Variants in RDX observed in about 807,000 individuals in gnomAD.
RDX encodes radixin.
In RDX, 32 loss-of-function variants were observed where a neutral mutation model predicts 83.7. That is an observed-to-expected ratio of 0.38 (90% CI 0.29 to 0.51). RDX has a LOEUF of 0.51. RDX is among the 20% of genes least tolerant of loss of function. The pLI is 0.87. For synonymous variants in RDX, 229 were observed against 222.7 expected, an observed-to-expected ratio of 1.03 and a Z score of -0.25; for missense variants, 600 against 689.9, an observed-to-expected ratio of 0.87 and a Z score of 1.46.
chr11:110,289,566 T>TA (rs1206346191), intron 1 of RDX, among the ~76,000 whole-genome samples: 1 of 152,152 alleles, frequency 6.6e-6, no homozygotes, highest in East Asian at 1.9e-4. Context: ...CAAAGGGATC[T>TA]AAAGTCAATT....
chr11:110,264,411 C>T (rs1435195686), intron 4 of RDX, among the ~76,000 whole-genome samples, 177 bp from the exon 5 acceptor site: 1 of 152,132 alleles, frequency 6.6e-6, no homozygotes, highest in African/African-American at 2.4e-5. Flanking sequence ...AGATTCTATG[C>T]TCTTGAATGT....
At chr11:110,222,015 TTA>T (rs1251321677) in intron 14 of RDX, among the ~76,000 whole-genome samples, 2 of 56,140 alleles carry the variant, frequency 3.6e-5, no homozygotes, top group African/African-American at 1.1e-4. Context: ...CAAATGTATA[TTA>T]TGTCTATATA....
intron 15 of RDX, among the ~76,000 whole-genome samples, chr11:110,183,180 C>G (rs1365278629): frequency 6.6e-6 from 1 of 152,194 alleles, no homozygotes; most frequent in Non-Finnish European, 1.5e-5. Flanking sequence ...CAGGGTGCAG[C>G]AGACCTGAGT....
chr11:110,235,643 C>T (rs1274082000), intron 12 of RDX, among the ~76,000 whole-genome samples: 1 of 152,170 alleles, frequency 6.6e-6, no homozygotes, highest in African/African-American at 2.4e-5. Flanking sequence ...TTTCACAATT[C>T]CCTATTATCA....
intron 10 of RDX, among the ~76,000 whole-genome samples, chr11:110,245,789 T>C (rs1163707675): frequency 2.0e-5 from 3 of 152,188 alleles, no homozygotes; most frequent in Non-Finnish European, 1.5e-5. Context: ...AGTACTATAA[T>C]CTCACTACTA....
chr11:110,246,971 T>A (rs1460096513), intron 10 of RDX, among the ~76,000 whole-genome samples: 3 of 152,214 alleles, frequency 2.0e-5, no homozygotes, highest in Non-Finnish European at 4.4e-5. Context: ...GACTTCATGT[T>A]ACCCCTGAGA....
chr11:110,267,849 G>A (rs1860123363), intron 3 of RDX, among the ~76,000 whole-genome samples: 1 of 151,494 alleles, frequency 6.6e-6, no homozygotes, highest in Non-Finnish European at 1.5e-5. Context: ...AGCTAATCAG[G>A]AGGCTGAAGT....
intron 15 of RDX, among the ~76,000 whole-genome samples, chr11:110,178,569 G>A (rs1330131371): frequency 5.3e-5 from 8 of 152,150 alleles, no homozygotes; most frequent in African/African-American, 1.9e-4. Context: ...TGGGAAGACG[G>A]GACAGGTTCA....
chr11:110,237,341 G>C, intron 11 of RDX, 151 bp downstream of exon 11: 3 of 686,132 alleles, frequency 4.4e-6, no homozygotes, highest in Non-Finnish European at 7.0e-6. Flanking sequence ...AAATTTTCTA[G>C]GTTTTTGTCT....
In RDX at chr11:110,187,014, C is replaced by T. The variant is rs192645201; in HGVS notation, c.*32-11780G>A. On this transcript the variant is annotated intron_variant, in intron 15 of 15. Transcript: ENST00000528498. ...GCACTGGAACTGTGCTCTCCTCTGT[C>T]ACAGGCCTGGAGTGGGAGGAGGGCT... Among the ~76,000 whole-genome samples the T allele has an allele frequency of 7.2e-3, 1,091 of 152,308 alleles. 19 individuals are homozygous for T. Among genetic ancestry groups the T allele is most frequent in the African/African-American group, 0.023 (974 of 41,560 alleles).
chr11:110,287,251 T>G (rs1449387377), intron 1 of RDX: 1 of 152,172 alleles, frequency 6.6e-6, no homozygotes, highest in Non-Finnish European at 1.5e-5. Context: ...GATGTGCACC[T>G]GTAGTCCCAG....
At chr11:110,270,835 T>C (rs1417105419) in intron 3 of RDX, among the ~76,000 whole-genome samples, 3 of 152,236 alleles carry the variant, frequency 2.0e-5, no homozygotes, top group Admixed American at 2.0e-4. Flanking sequence ...AGAGGATAAC[T>C]TGCTGATTAG....
At chr11:110,203,506 T>G (rs956942205) in intron 14 of RDX, among the ~76,000 whole-genome samples, 1 of 151,716 alleles carries the variant, frequency 6.6e-6, no homozygotes, top group Non-Finnish European at 1.5e-5. Context: ...AATTGTACAT[T>G]TAAAAATAAC....
chr11:110,245,819 C>T (rs1392733671), intron 10 of RDX, among the ~76,000 whole-genome samples: 1 of 152,198 alleles, frequency 6.6e-6, no homozygotes, highest in African/African-American at 2.4e-5. Context: ...CTAGTACACA[C>T]AAGGTGTATC....
chr11:110,242,519 T>C (rs1021483718), intron 10 of RDX, among the ~76,000 whole-genome samples: 2 of 151,526 alleles, frequency 1.3e-5, no homozygotes, highest in African/African-American at 2.4e-5. Context: ...AAATTGTTTC[T>C]GTATTATGAG....
At position 110,233,221 on chromosome 11, in the gene RDX, T is replaced by A. The variant is rs773703592; in HGVS notation, c.1587+16A>T. On this transcript the variant is annotated intron_variant, in intron 13 of 13. Transcript: ENST00000645495. ...ACTATATTTCAAATGCACATACAAC[T>A]GCAAATTTTAAATACCTGAAGTTGC... is the stretch of plus-strand genomic sequence containing the variant. 1.2e-6 allele frequency: 2 copies of A among 1,612,314 alleles called. No homozygotes were observed. Among genetic ancestry groups the A allele is most frequent in the African/African-American group, 1.3e-5 (1 of 74,996 alleles).
At chr11:110,210,641 T>A (rs1035447764) in intron 14 of RDX, among the ~76,000 whole-genome samples, 5 of 151,022 alleles carry the variant, frequency 3.3e-5, no homozygotes, top group African/African-American at 1.2e-4. Context: ...AGCGGATCTC[T>A]CGGCAGAAAC....
intron 1 of RDX, among the ~76,000 whole-genome samples, chr11:110,282,904 A>C (rs1197895802): frequency 1.3e-5 from 2 of 152,170 alleles, no homozygotes; most frequent in Non-Finnish European, 2.9e-5. Flanking sequence ...TTGAGCCCAG[A>C]AGTTTGAGGC....
rs577772443 is a variant in RDX at position 110,254,240 on chromosome 11, T to C, written c.796-131A>G. 5.4e-5 allele frequency: 41 copies of C among 766,274 alleles called. No homozygotes were observed. The African/African-American group carries it at 6.6e-4, about 12-fold the overall frequency. The allele number at this position is 766,274 out of a possible 1,614,324, so 47.5% of individuals were successfully genotyped here. The stretch of plus-strand genomic sequence containing the variant: ...CATATAGTTTAGAAATAAGAAATCA[T>C]ACAATTTCATAACTCCCAGTGAGCA... On this transcript the variant is annotated intron_variant, in intron 8 of 13. Transcript: ENST00000645495.
Sources: gnomAD v4.1 joint callset for allele counts (sites outside exome capture counted in the v4.1 genomes callset) on GRCh38, gnomAD v4.1.1 for gene constraint, MANE v1.5 for transcripts, NCBI Gene and HGNC (gene_info 2026-07-23, HGNC 2026-07-21) for gene names.